The following KMT2C variants were observed in gnomAD, a reference collection of about 807,000 sequenced individuals.
KMT2C encodes the protein lysine methyltransferase 2C, also known as histone-lysine N-methyltransferase 2C.
In KMT2C, 88 loss-of-function variants were observed where a neutral mutation model predicts 507.9. The observed-to-expected ratio is 0.17, with a 90% CI of 0.15 to 0.21. The LOEUF (loss-of-function observed/expected upper bound fraction) is 0.21, where lower values mean the gene tolerates loss of function less well. KMT2C is among the 10% of genes least tolerant of loss of function. The pLI is 1.00. For synonymous variants in KMT2C, 2,049 were observed against 2,080.8 expected (o/e 0.98, Z 0.42); for missense variants, 4,954 against 5,957.8 (o/e 0.83, Z 5.55).
chr7:152,284,319 T>C (rs1274690130), intron 6 of KMT2C, among the ~76,000 whole-genome samples: 2 of 152,124 alleles, frequency 1.3e-5, no homozygotes. Flanking sequence ...ATTCAATTAA[T>C]TTTTGACCAA....
intron 6 of KMT2C, among the ~76,000 whole-genome samples, chr7:152,281,533 A>G (rs1208474679): frequency 6.6e-6 from 1 of 152,182 alleles, no homozygotes; most frequent in African/African-American, 2.4e-5. Flanking sequence ...GGAGTTTGAG[A>G]CCATCCTGGC....
At chr7:152,305,259 AAAAG>A (rs761977027) in intron 6 of KMT2C, among the ~76,000 whole-genome samples, 3 of 152,208 alleles carry the variant, frequency 2.0e-5, no homozygotes, top group Admixed American at 6.5e-5. Context: ...ATAAGTACGA[AAAAG>A]AAAACAAAAA....
intron 9 of KMT2C, among the ~76,000 whole-genome samples, chr7:152,260,594 C>T (rs2095752799): frequency 6.6e-6 from 1 of 151,974 alleles, no homozygotes; most frequent in African/African-American, 2.4e-5. Context: ...TAAGATTTTT[C>T]TTGTGACAGC....
chr7:152,420,537 T>C (rs188839715), intron 1 of KMT2C, among the ~76,000 whole-genome samples: 2 of 152,234 alleles, frequency 1.3e-5, no homozygotes, highest in Admixed American at 1.3e-4. Flanking sequence ...CTGCAAACTA[T>C]GCATTCAACA....
chr7:152,261,875 C>T (rs894572614), intron 9 of KMT2C, among the ~76,000 whole-genome samples: 5 of 152,104 alleles, frequency 3.3e-5, no homozygotes, highest in African/African-American at 1.2e-4. Flanking sequence ...TCTGAACTAC[C>T]TGAGGAAGCA....
rs1052549767 is a variant in KMT2C at position 152,177,934 on chromosome 7, C to G, written c.7519G>C (p.Gly2507Arg). The part of the protein sequence containing the change: ...RFLVPPQQIQ[G>R]SGVSPQLRRS... ...CTTAGCTGTGGAGAAACTCCAGATC[C>G]CTGTATTTGCTGAGGAGGCACAAGG... Residue 2507 changes from glycine (G) to arginine (R), a missense_variant, in exon 38 of 59, where the codon GGA (glycine) becomes CGA (arginine). Gly to Arg is a moderately radical substitution (Grantham distance 125). Around this residue, in one of 29 missense-constraint regions of KMT2C, gnomAD observed 1,689 missense variants for 1,654.3 expected, o/e 1.02. Transcript: ENST00000262189. 6.9e-6 allele frequency: 11 copies of G among 1,604,862 alleles called. No individual in the cohort carries two copies. The highest frequency in any genetic ancestry group is 3.3e-5 in the South Asian group (3 of 90,594).
At chr7:152,379,340 C>T (rs1466286288) in intron 1 of KMT2C, among the ~76,000 whole-genome samples, 4 of 151,998 alleles carry the variant, frequency 2.6e-5, no homozygotes, top group Admixed American at 2.6e-4. Flanking sequence ...GAGTTCAAGA[C>T]CAGCCTGGTC....
In KMT2C at chr7:152,179,967, G is replaced by C. The variant is rs1463885204; in HGVS notation, c.7309C>G (p.Pro2437Ala). ...GACCTAATGTTCCCAGGATAGGGAG[G>C]TGGGGGTCTGGTGAAAGCCTGGTTA... ...NVNQAFTRPP[P>A]PYPGNIRSPV... The change falls in exon 37 of 59, where the codon CCT (proline) becomes GCT (alanine). Residue 2437 changes from proline to alanine, a missense_variant. This residue lies in a region of KMT2C where 1,689 missense variants were observed against 1,654.3 expected (regional missense o/e 1.02). Transcript: ENST00000262189. 1 of 1,614,164 alleles carries C rather than the reference G, an allele frequency of 6.2e-7. No individual in the cohort carries two copies. Among genetic ancestry groups the C allele is most frequent in the Non-Finnish European group, 8.5e-7 (1 of 1,180,028 alleles).
At chr7:152,387,206 T>C (rs1180749709) in intron 1 of KMT2C, among the ~76,000 whole-genome samples, 3 of 151,636 alleles carry the variant, frequency 2.0e-5, no homozygotes, top group Admixed American at 1.3e-4. Flanking sequence ...AATTAAATAT[T>C]AAAATTATTA....
rs373714932 is a variant in KMT2C, at chr7:152,224,427, T to C, written c.3158+8A>G. ...AAAGACTAACAAGGCAAACAAACCC[T>C]AGAGTACCATTTGCACTTCCAGCCT... On this transcript the variant is annotated splice_region_variant and intron_variant, in intron 19 of 58. Coordinates refer to ENST00000262189, the MANE Select transcript of KMT2C (RefSeq NM_170606.3). 6 of 1,608,398 alleles carry C rather than the reference T, an allele frequency of 3.7e-6. No homozygotes were observed. The African/African-American group carries it at 6.7e-5, about 18-fold the overall frequency.
chr7:152,317,742 C>T (rs1237829605), intron 3 of KMT2C, among the ~76,000 whole-genome samples: 1 of 152,204 alleles, frequency 6.6e-6, no homozygotes, highest in African/African-American at 2.4e-5. Context: ...AACAGTGGCT[C>T]ACACTGCAAC....
At chr7:152,195,081 T>C (rs549925537) in intron 28 of KMT2C, among the ~76,000 whole-genome samples, 38 of 152,278 alleles carry the variant, frequency 2.5e-4, no homozygotes, top group African/African-American at 8.9e-4. Flanking sequence ...TATAGGCACA[T>C]TCTGATTATG....
intron 55 of KMT2C, among the ~76,000 whole-genome samples, chr7:152,143,161 G>T (rs1247551158): frequency 6.6e-6 from 1 of 152,202 alleles, no homozygotes; most frequent in Non-Finnish European, 1.5e-5. Flanking sequence ...GAACTGGAAG[G>T]AGTAGAGGCA....
intron 23 of KMT2C, among the ~76,000 whole-genome samples, chr7:152,208,526 T>G (rs1198887647): frequency 1.3e-5 from 2 of 152,230 alleles, no homozygotes; most frequent in Non-Finnish European, 2.9e-5. Context: ...AGATGTATTG[T>G]TAGTAGGATA....
chr7:152,231,247 A>G (rs1287175814), intron 16 of KMT2C, among the ~76,000 whole-genome samples: 1 of 152,258 alleles, frequency 6.6e-6, no homozygotes, highest in Non-Finnish European at 1.5e-5. Flanking sequence ...ATTTGACTAA[A>G]TCAACTAAGT....
chr7:152,216,512 T>A (rs1448911422), intron 23 of KMT2C, among the ~76,000 whole-genome samples: 1 of 152,226 alleles, frequency 6.6e-6, no homozygotes, highest in Non-Finnish European at 1.5e-5. Context: ...TGAAGATCAC[T>A]TATAGTCAAT....
In KMT2C at chr7:152,138,613, G is replaced by A; in HGVS notation, c.14643+183C>T. 1 of 511,502 alleles carries A rather than the reference G, an allele frequency of 2.0e-6. No homozygotes were observed. Among genetic ancestry groups the A allele is most frequent in the Admixed American group, 3.8e-5 (1 of 26,250 alleles). 31.7% of individuals were successfully genotyped at this position (511,502 alleles called of 1,614,324 possible). On this transcript the variant is annotated intron_variant, in intron 58 of 58. Coordinates refer to ENST00000262189, the MANE Select transcript of KMT2C (RefSeq NM_170606.3). The surrounding 1 kb of genome is among the most constrained non-coding windows in gnomAD (Gnocchi z 4.2). ...AATGCTCACAGAGCTGCCATGTGGA[G>A]GAAGGTGAACTGGAGTGCCTGAAGG...
intron 3 of KMT2C, among the ~76,000 whole-genome samples, chr7:152,327,261 T>A (rs1357545164): frequency 6.6e-6 from 1 of 152,252 alleles, no homozygotes; most frequent in Admixed American, 6.5e-5. Flanking sequence ...GAAATTATCA[T>A]ATATTCATGA....
rs113349183 is a variant in KMT2C at position 152,256,570 on chromosome 7, C to CA, written c.1300-3856dup. On this transcript the variant is annotated intron_variant, in intron 9 of 58. Coordinates refer to ENST00000262189, the MANE Select transcript of KMT2C (RefSeq NM_170606.3). ...TGAGACACTGTCTCACACAAATAAGCAAAAAAAACAAGAACAAATAAGCTG... is the reference window on the plus strand; with the variant it reads ...TGAGACACTGTCTCACACAAATAAGCAAAAAAAAACAAGAACAAATAAGCTG... Among the ~76,000 whole-genome samples the CA allele has an allele frequency of 9.6e-3, 1,448 of 150,696 alleles. 28 individuals carry two copies. Among genetic ancestry groups the CA allele is most frequent in the African/African-American group, 0.034 (1,386 of 41,032 alleles).
Sources: allele counts gnomAD v4.1 joint callset (sites outside exome capture counted in the v4.1 genomes callset), GRCh38; gene constraint gnomAD v4.1.1; regional missense constraint gnomAD v4.1.1; non-coding constraint Gnocchi (gnomAD v3.1); transcripts MANE v1.5; gene names NCBI Gene and HGNC (gene_info 2026-07-23, HGNC 2026-07-21).